The following PRDX3 variants were observed in gnomAD, a reference collection of about 807,000 sequenced individuals.
PRDX3 encodes the protein peroxiredoxin 3.
PRDX3 carries 20 observed loss-of-function variants against 30.4 expected under a neutral mutation model. The ratio of observed to expected loss-of-function variants is 0.66; its 90% CI spans 0.46 to 0.96. The LOEUF is 0.96. Ranked by LOEUF, PRDX3 falls within the 40% of genes least tolerant of loss-of-function variation. The pLI, the probability that PRDX3 is intolerant of heterozygous loss-of-function variation, is 0.00. For missense variants in PRDX3, 322 were observed against 318.3 expected (o/e 1.01, Z -0.09); for synonymous variants, 124 against 117.8 (o/e 1.05, Z -0.34).
intron 6 of PRDX3, 47 bp from the exon 7 acceptor site, chr10:119,168,580 A>C (rs1231886306): frequency 1.2e-6 from 2 of 1,607,168 alleles, no homozygotes; most frequent in Non-Finnish European, 1.7e-6. Context: ...TTACCATAAT[A>C]ATAGTCCCAA....
chr10:119,171,930 G>C (rs1368263053), intron 5 of PRDX3, among the ~76,000 whole-genome samples: 1 of 152,158 alleles, frequency 6.6e-6, no homozygotes, highest in Admixed American at 6.5e-5. Flanking sequence ...TCAGGTGTGT[G>C]TCCCCATGGA....
rs1398245510 is a variant in PRDX3, at chr10:119,178,804, G to A, written c.-14C>T. ...AGCAGCCGCCATCTTCAGTGCACTC[G>A]GGCGCCACGGGGCGGGCAGAGACGC... On this transcript the variant is annotated 5_prime_UTR_variant, in exon 1 of 7. Coordinates refer to ENST00000298510, the MANE Select transcript of PRDX3 (RefSeq NM_006793.5). 1 of 1,551,332 alleles carries A rather than the reference G, an allele frequency of 6.4e-7. No individual in the cohort carries two copies. Among genetic ancestry groups the A allele is most frequent in the Non-Finnish European group, 8.7e-7 (1 of 1,147,496 alleles).
chr10:119,175,670 C>A (rs1053942836), intron 2 of PRDX3, among the ~76,000 whole-genome samples: 2 of 152,148 alleles, frequency 1.3e-5, no homozygotes, highest in East Asian at 3.9e-4. Flanking sequence ...GCTGGGATTA[C>A]AGGCGTGAGC....
intron 5 of PRDX3, chr10:119,170,179 C>G (rs560038350): frequency 6.6e-6 from 1 of 152,306 alleles, no homozygotes; most frequent in East Asian, 1.9e-4. Context: ...CAGGTTTTAA[C>G]AGTCTGTCTT....
At chr10:119,176,983 T>C (rs754144708) in intron 2 of PRDX3, 38 bp downstream of exon 2, 2 of 1,612,640 alleles carry the variant, frequency 1.2e-6, no homozygotes, top group East Asian at 2.2e-5. Flanking sequence ...TCATTTTTCC[T>C]TTACCTGGCT....
intron 1 of PRDX3, among the ~76,000 whole-genome samples, chr10:119,178,239 T>G (rs1848088225): frequency 6.6e-6 from 1 of 151,976 alleles, no homozygotes; most frequent in South Asian, 2.1e-4. Context: ...GAGAAAGCCG[T>G]GTACCAAAAG....
chr10:119,176,959 C>T, intron 2 of PRDX3, 62 bp downstream of exon 2: 1 of 1,603,950 alleles, frequency 6.2e-7, no homozygotes, highest in Non-Finnish European at 8.5e-7. Context: ...GAGCCCCTGT[C>T]CAGAGACGAT....
chr10:119,169,979 G>C (rs898875298), intron 5 of PRDX3: 3 of 152,330 alleles, frequency 2.0e-5, no homozygotes, highest in African/African-American at 7.2e-5. Flanking sequence ...GTTTAGCCTA[G>C]AAGTTTTTTT....
At chr10:119,173,944 A>G (rs1413771237) in intron 3 of PRDX3, 72 bp from the exon 4 acceptor site, 1 of 1,493,442 alleles carries the variant, frequency 6.7e-7, no homozygotes, top group African/African-American at 1.4e-5. Flanking sequence ...TGGTCTAACA[A>G]CTAGTTCAAC....
intron 4 of PRDX3, among the ~76,000 whole-genome samples, chr10:119,173,140 G>A (rs1006886737): frequency 5.3e-5 from 8 of 152,028 alleles, no homozygotes; most frequent in Non-Finnish European, 8.8e-5. Flanking sequence ...GGGTTTCACC[G>A]TGTTAGCCAG....
chr10:119,178,742 G>A lies in PRDX3; in HGVS notation c.36+13C>T, dbSNP rs1264602759. 30 of 1,551,374 alleles carry A rather than the reference G, an allele frequency of 1.9e-5. No homozygotes were observed. Among genetic ancestry groups the A allele is most frequent in the Non-Finnish European group, 2.5e-5 (29 of 1,147,430 alleles). On this transcript the variant is annotated intron_variant, in intron 1 of 6. Transcript: ENST00000298510. ...AGTGTCTCCACGCCTGTCCCCAGCC[G>A]ACAGCCACTCACCGACGCTCGGAGC...
intron 6 of PRDX3, 35 bp downstream of exon 6, chr10:119,169,142 C>T: frequency 1.2e-6 from 2 of 1,606,314 alleles, no homozygotes; most frequent in Non-Finnish European, 1.7e-6. Flanking sequence ...GCTGAGAGAA[C>T]ATGGACCTCA....
intron 5 of PRDX3, chr10:119,171,119 C>G (rs990243522): frequency 2.6e-5 from 4 of 151,764 alleles, no homozygotes; most frequent in Non-Finnish European, 4.4e-5. Flanking sequence ...CAGCTCACTG[C>G]AAGCTCCACC....
In PRDX3 at chr10:119,169,299, T is replaced by G; in HGVS notation, c.595A>C (p.Ser199Arg). 6.2e-7 allele frequency: 1 copy of G among 1,614,108 alleles called. No homozygotes were observed. The highest frequency in any genetic ancestry group is 1.3e-5 in the African/African-American group (1 of 75,046). Residue 199 changes from serine (S) to arginine (R), a missense_variant, in exon 6 of 7, where the codon AGC becomes CGC. Ser to Arg is a moderately radical substitution (Grantham distance 110). Coordinates refer to ENST00000298510, the MANE Select transcript of PRDX3 (RefSeq NM_006793.5). ...CGGCCCACTGGGAGATCGTTGACGC[T>G]CAAATGCTTGATGACTCCATTGGGG... ...IDPNGVIKHL[S>R]VNDLPVGRSV...
rs754056870 is a variant in PRDX3, at chr10:119,168,531, G to C, written c.720C>G (p.Ile240Met). Residue 240 changes from isoleucine to methionine, a missense_variant and splice_region_variant, in exon 7 of 7, where the codon ATC becomes ATG. Physicochemically the swap from Ile to Met is conservative, Grantham distance 10 (BLOSUM62 1). Coordinates refer to ENST00000298510, the MANE Select transcript of PRDX3 (RefSeq NM_006793.5). ...PANWTPDSPTIKPSPAASKEY... is the reference protein window; with the variant it reads ...PANWTPDSPTMKPSPAASKEY... ...CTTTGGAAGCAGCTGGACTTGGCTT[G>C]ATCTGAAAATACAAAAGCTTAATTA... is the stretch of plus-strand genomic sequence containing the variant. 1.2e-5 allele frequency: 20 copies of C among 1,613,566 alleles called. No individual in the cohort carries two copies. Among genetic ancestry groups the C allele is most frequent in the Admixed American group, 5.0e-5 (3 of 59,960 alleles).
chr10:119,169,938 G>C (rs1847866340), intron 5 of PRDX3: 1 of 152,422 alleles, frequency 6.6e-6, no homozygotes, highest in Non-Finnish European at 1.5e-5. Context: ...TTTATCTTCT[G>C]TGTTGGTGTT....
chr10:119,172,119 G>C (rs184034815), intron 5 of PRDX3, among the ~76,000 whole-genome samples: 2 of 150,106 alleles, frequency 1.3e-5, no homozygotes, highest in Admixed American at 1.3e-4. Flanking sequence ...ATTAAGGATT[G>C]ATTATTATAA....
rs373524956 is a variant in PRDX3 at position 119,176,240 on chromosome 10, T to C, written c.169+781A>G. On this transcript the variant is annotated intron_variant, in intron 2 of 6. Transcript: ENST00000298510. ...AATGTCAAAATGCCTGACACCGCCATGAACAGAAACAGGAGGCGCTGCTGG... is the reference window on the plus strand; with the variant it reads ...AATGTCAAAATGCCTGACACCGCCACGAACAGAAACAGGAGGCGCTGCTGG... 1.3e-4 allele frequency among the ~76,000 whole-genome samples: 20 copies of C among 152,282 alleles called. No homozygotes were observed. The South Asian group carries it at 3.7e-3, about 28-fold the overall frequency.
Position 119,173,792 on chromosome 10 carries a change from G to C in PRDX3, c.392C>G (p.Ala131Gly). 1 of 1,612,722 alleles carries C rather than the reference G, an allele frequency of 6.2e-7. No homozygotes were observed. Among genetic ancestry groups the C allele is most frequent in the Non-Finnish European group, 8.5e-7 (1 of 1,179,778 alleles). Reference sequence around the variant, plus strand: ...GCTAAAGTGGGAATCCACTGAGACTGCGACAACTTCACAGTTCACGTCGTG... The same window carrying C: ...GCTAAAGTGGGAATCCACTGAGACTCCGACAACTTCACAGTTCACGTCGTG... ...EFHDVNCEVV[A>G]VSVDSHFSHL... Residue 131 changes from alanine to glycine, a missense_variant, in exon 4 of 7, where the codon GCA becomes GGA. Physicochemically the swap from Ala to Gly is moderately conservative, Grantham distance 60. Coordinates refer to ENST00000298510, the MANE Select transcript of PRDX3 (RefSeq NM_006793.5).
Sources: gnomAD v4.1 joint callset for allele counts (sites outside exome capture counted in the v4.1 genomes callset) on GRCh38, gnomAD v4.1.1 for gene constraint, MANE v1.5 for transcripts, NCBI Gene and HGNC (gene_info 2026-07-23, HGNC 2026-07-21) for gene names.